The following CD2AP variants were observed in gnomAD, a reference collection of about 807,000 sequenced individuals.
CD2AP encodes CD2-associated protein.
Under a neutral mutation model 85.1 loss-of-function variants are expected in CD2AP, and 46 were observed. That is an observed-to-expected ratio of 0.54 (90% CI 0.43 to 0.69). CD2AP has a LOEUF of 0.69. Among genes scored for constraint, CD2AP ranks in the 30% least tolerant of loss-of-function variants. CD2AP has a pLI of 0.00. For missense variants in CD2AP, 769 were observed against 729.5 expected (o/e 1.05, Z -0.62); for synonymous variants, 255 against 252.9 (o/e 1.01, Z -0.08).
At chr6:47,525,306 T>C (rs1035191018) in intron 2 of CD2AP, among the ~76,000 whole-genome samples, 1 of 152,150 alleles carries the variant, frequency 6.6e-6, no homozygotes, top group Non-Finnish European at 1.5e-5. Context: ...ACTAATTTTA[T>C]ATACTTCTGG....
rs1050376526 is a variant in CD2AP, at chr6:47,606,079, T to C, written c.1418-86T>C. 17 of 737,442 alleles carry C rather than the reference T, an allele frequency of 2.3e-5. 1 individual carries two copies. The South Asian group carries it at 2.5e-4, about 11-fold the overall frequency. 45.7% of individuals were successfully genotyped at this position (737,442 alleles called of 1,614,324 possible). On this transcript the variant is annotated intron_variant, in intron 13 of 17. Coordinates refer to ENST00000359314, the MANE Select transcript of CD2AP (RefSeq NM_012120.3). ...AAGTAGTGGTACTCTTTTTAATTTA[T>C]AGTTTGTCCAAAAACTGAAACATTA...
At chr6:47,568,687 G>C (rs1455559973) in intron 5 of CD2AP, among the ~76,000 whole-genome samples, 4 of 152,064 alleles carry the variant, frequency 2.6e-5, no homozygotes, top group Non-Finnish European at 1.5e-5. Flanking sequence ...GAGGTTGCAG[G>C]GAGCTGAGAT....
chr6:47,607,901 C>G, intron 14 of CD2AP, 26 bp from the exon 15 acceptor site: 2 of 1,504,744 alleles, frequency 1.3e-6, no homozygotes, highest in Non-Finnish European at 1.8e-6. Context: ...TCTATTATGT[C>G]TCTTGACTTC....
chr6:47,609,142 C>T lies in CD2AP; in HGVS notation c.1652C>T (p.Thr551Ile), dbSNP rs1178615996. Residue 551 changes from threonine (T) to isoleucine (I), a missense_variant, in exon 16 of 18, where the codon ACA (threonine) becomes ATA (isoleucine). By Grantham distance (89) the Thr-to-Ile change is moderately conservative. Coordinates refer to ENST00000359314, the MANE Select transcript of CD2AP (RefSeq NM_012120.3). The stretch of plus-strand genomic sequence containing the variant: ...TTTCAGCCATCTGTGTACCTTTCAA[C>T]ACCTTCCAGTGCTTCTAAAGCAAAT... ...YSPKPSVYLS[T>I]PSSASKANTT... 1.2e-6 allele frequency: 2 copies of T among 1,612,784 alleles called. No individual in the cohort carries two copies. Among genetic ancestry groups the T allele is most frequent in the South Asian group, 1.1e-5 (1 of 91,020 alleles).
intron 3 of CD2AP, among the ~76,000 whole-genome samples, chr6:47,543,835 G>A (rs1767298412): frequency 1.3e-5 from 2 of 152,168 alleles, no homozygotes; most frequent in Admixed American, 6.5e-5. Flanking sequence ...GATGTGGGGT[G>A]GAGCTTGAGA....
chr6:47,495,467 AGAG>A (rs1478416426), intron 1 of CD2AP, among the ~76,000 whole-genome samples: 2 of 152,174 alleles, frequency 1.3e-5, no homozygotes, highest in African/African-American at 4.8e-5. Flanking sequence ...GCCTCCCGAA[AGAG>A]GAGAATAAAT....
chr6:47,503,751 G>T (rs766224620), intron 2 of CD2AP, among the ~76,000 whole-genome samples: 12 of 152,098 alleles, frequency 7.9e-5, no homozygotes, highest in Middle Eastern at 3.2e-3. Flanking sequence ...TATAAAGCAG[G>T]CTTGCTGTAT....
intron 2 of CD2AP, among the ~76,000 whole-genome samples, chr6:47,512,750 C>T (rs1420046867): frequency 1.3e-5 from 2 of 152,222 alleles, no homozygotes; most frequent in Non-Finnish European, 2.9e-5. Context: ...ATTGAGTTCT[C>T]ATCACCTCCT....
rs752880361 is a variant in CD2AP at position 47,574,229 on chromosome 6, C to G, written c.707C>G (p.Thr236Arg). The change falls in exon 6 of 18, where the codon ACA (threonine) becomes AGA (arginine). Residue 236 changes from threonine (T) to arginine (R), a missense_variant. Transcript: ENST00000359314. ...KLRTRTSSSETEEKKPEKPLI... is the reference protein window; with the variant it reads ...KLRTRTSSSEREEKKPEKPLI... ...CGGACAAGAACATCCAGTAGTGAAACAGAAGAGAAAAAACCAGAAAAGGTG... is the reference window on the plus strand; with the variant it reads ...CGGACAAGAACATCCAGTAGTGAAAGAGAAGAGAAAAAACCAGAAAAGGTG... 1.2e-6 allele frequency: 2 copies of G among 1,613,894 alleles called. No homozygotes were observed. The highest frequency in any genetic ancestry group is 1.7e-6 in the Non-Finnish European group (2 of 1,179,884).
rs1766045533 is a variant in CD2AP, at chr6:47,503,288, A to G, written c.13A>G (p.Ile5Val). 4 of 1,613,454 alleles carry G rather than the reference A, an allele frequency of 2.5e-6. No individual in the cohort carries two copies. The highest frequency in any genetic ancestry group is 2.2e-5 in the South Asian group (2 of 91,062). Residue 5 changes from isoleucine (I) to valine (V), a missense_variant, in exon 2 of 18, where the codon ATT (isoleucine) becomes GTT (valine). Ile to Val is a conservative substitution (Grantham distance 29). Transcript: ENST00000359314. MVDY[I>V]VEYDYDAVHD... is the part of the protein sequence containing the mutation. ...TTTTCCCCCTTTTTTAGTTGACTAT[A>G]TTGTGGAGTATGACTATGATGCTGT...
chr6:47,596,205 A>T (rs868836168), intron 12 of CD2AP, among the ~76,000 whole-genome samples, 179 bp downstream of exon 12: 1 of 152,130 alleles, frequency 6.6e-6, no homozygotes, highest in African/African-American at 2.4e-5. Context: ...TTTAAAGCGT[A>T]TATATAATTC....
chr6:47,554,444 T>TATC (rs1308251781), intron 4 of CD2AP, among the ~76,000 whole-genome samples: 1 of 152,194 alleles, frequency 6.6e-6, no homozygotes, highest in East Asian at 1.9e-4. Flanking sequence ...ACTGTTGATG[T>TATC]ATGATTAATC....
chr6:47,563,854 C>G (rs995921832), intron 5 of CD2AP, among the ~76,000 whole-genome samples: 12 of 152,062 alleles, frequency 7.9e-5, no homozygotes, highest in African/African-American at 2.7e-4. Context: ...TAGCAATAAA[C>G]TTGTAAAAAT....
intron 4 of CD2AP, among the ~76,000 whole-genome samples, chr6:47,553,513 A>ATTTTTTTTTTTTTTTTTT (rs148273065): frequency 1.8e-5 from 2 of 110,516 alleles, no homozygotes; most frequent in African/African-American, 3.6e-5. Flanking sequence ...CACCTAGTGA[A>ATTTTTTTTTTTTTTTTTT]TTTTTTTTTT....
chr6:47,603,585 A>C (rs1428555866), intron 13 of CD2AP, among the ~76,000 whole-genome samples: 1 of 152,138 alleles, frequency 6.6e-6, no homozygotes, highest in African/African-American at 2.4e-5. Flanking sequence ...CAAAGGAATA[A>C]ACCTAAAACC....
chr6:47,522,540 A>C (rs1208696901), intron 2 of CD2AP, among the ~76,000 whole-genome samples: 3 of 152,206 alleles, frequency 2.0e-5, no homozygotes, highest in Non-Finnish European at 4.4e-5. Flanking sequence ...TTTAAAATGA[A>C]ATTTTGATCC....
chr6:47,492,517 G>C (rs1190698519), intron 1 of CD2AP, among the ~76,000 whole-genome samples: 1 of 151,708 alleles, frequency 6.6e-6, no homozygotes, highest in Non-Finnish European at 1.5e-5. Context: ...CACACCTGTT[G>C]TTATTTTTTG....
chr6:47,522,074 A>G (rs1766612795), intron 2 of CD2AP, among the ~76,000 whole-genome samples: 1 of 152,224 alleles, frequency 6.6e-6, no homozygotes, highest in East Asian at 1.9e-4. Context: ...GAGACATTGA[A>G]TAATTATTGG....
At chr6:47,608,995 T>C in intron 15 of CD2AP, 128 bp from the exon 16 acceptor site, 2 of 633,848 alleles carry the variant, frequency 3.2e-6, no homozygotes, top group Middle Eastern at 4.4e-4. Context: ...GAACATCAAA[T>C]TGCTTTTGAA....
Sources: allele counts gnomAD v4.1 joint callset (sites outside exome capture counted in the v4.1 genomes callset), GRCh38; gene constraint gnomAD v4.1.1; transcripts MANE v1.5; gene names NCBI Gene and HGNC (gene_info 2026-07-23, HGNC 2026-07-21).